Variants in CYYR1 observed in about 807,000 individuals in gnomAD.
CYYR1 encodes cysteine and tyrosine rich 1.
CYYR1 carries 14 observed loss-of-function variants against 15.2 expected under a neutral mutation model. That is an observed-to-expected ratio of 0.92 (90% CI 0.61 to 1.44). CYYR1 has a LOEUF of 1.44. Ranked by LOEUF, CYYR1 falls within the 40% of genes most tolerant of loss-of-function variation. The pLI is 0.00. For missense variants in CYYR1, 228 were observed against 209.5 expected, an observed-to-expected ratio of 1.09 and a Z score of -0.54; for synonymous variants, 80 against 77.4, an observed-to-expected ratio of 1.03 and a Z score of -0.18.
chr21:26,566,354 G>A lies in CYYR1; in HGVS notation c.88C>T (p.Gln30Ter), dbSNP rs200563289. Reference protein sequence around the residue: ...LFVYADDCLAQCGKDCKSYCC... With the variant: ...LFVYADDCLA ...TAAGATTTGCAATCTTTGCCACACT[G>A]AGCAAGGCAATCATCTACAAAACAA... The change falls in exon 2 of 4, where the codon CAG becomes TAG. Residue 30 changes from glutamine (Q) to a stop codon, truncating the protein, a stop_gained. Transcript: ENST00000652641. LOFTEE classifies it high-confidence loss of function. 9.9e-6 allele frequency: 16 copies of A among 1,613,102 alleles called. No individual in the cohort carries two copies. The highest frequency in any genetic ancestry group is 4.5e-5 in the East Asian group (2 of 44,852).
intron 3 of CYYR1, chr21:26,478,046 T>A: frequency 6.5e-7 from 1 of 1,548,060 alleles, no homozygotes; most frequent in Non-Finnish European, 8.7e-7. Context: ...TTCAGCTGAG[T>A]GCCCATTATG....
At chr21:26,527,625 A>G (rs1038838913) in intron 2 of CYYR1, among the ~76,000 whole-genome samples, 1 of 152,272 alleles carries the variant, frequency 6.6e-6, no homozygotes, top group Non-Finnish European at 1.5e-5. Context: ...CTACTTTTGT[A>G]CATTTCTTTT....
In CYYR1 at chr21:26,468,523, T is replaced by A; in HGVS notation, c.446A>T (p.Tyr149Phe). 2 of 1,596,806 alleles carry A rather than the reference T, an allele frequency of 1.3e-6. No homozygotes were observed. The highest frequency in any genetic ancestry group is 1.7e-6 in the Non-Finnish European group (2 of 1,164,480). The change falls in exon 4 of 4, where the codon TAT becomes TTT. Residue 149 changes from tyrosine to phenylalanine, a missense_variant. Tyr to Phe is a conservative substitution (Grantham distance 22). Coordinates refer to ENST00000652641, the MANE Select transcript of CYYR1 (RefSeq NM_001320768.2). ...GPAQRSPPPP[Y>F]PGNARK ...AGATTATTTCCTTGCGTTTCCAGGA[T>A]AAGGAGGGGGTGGAGAACGCTGTGC... is the stretch of plus-strand genomic sequence containing the variant.
chr21:26,491,833 G>T (rs1479987060), intron 2 of CYYR1, among the ~76,000 whole-genome samples: 1 of 152,070 alleles, frequency 6.6e-6, no homozygotes. Context: ...GTGATCCTTT[G>T]CCTGGGCCCT....
intron 2 of CYYR1, among the ~76,000 whole-genome samples, chr21:26,527,338 G>C (rs555442160): frequency 6.6e-6 from 1 of 152,180 alleles, no homozygotes; most frequent in East Asian, 1.9e-4. Flanking sequence ...TTTTTTAAAG[G>C]CATGAAGTTG....
Position 26,468,148 on chromosome 21 carries a change from A to C in CYYR1, c.*353T>G. 1 of 318,036 alleles carries C rather than the reference A, an allele frequency of 3.1e-6. No individual in the cohort carries two copies. The highest frequency in any genetic ancestry group is 2.8e-5 in the South Asian group (1 of 35,148). The allele number at this position is 318,036 out of a possible 1,614,324, so 19.7% of individuals were successfully genotyped here. On this transcript the variant is annotated 3_prime_UTR_variant, in exon 4 of 4. Transcript: ENST00000652641. ...GTGGGCCAAATCATTCTCCCATCCT[A>C]CTTAGATCTTCTTTTTTTCCAGGAT...
At chr21:26,504,151 A>G (rs532000778) in intron 2 of CYYR1, among the ~76,000 whole-genome samples, 1 of 152,332 alleles carries the variant, frequency 6.6e-6, no homozygotes, top group South Asian at 2.1e-4. Context: ...ATCTCACGAT[A>G]TGATGGCAGA....
chr21:26,473,610 C>T (rs974804171), intron 3 of CYYR1, among the ~76,000 whole-genome samples: 2 of 152,202 alleles, frequency 1.3e-5, no homozygotes, highest in African/African-American at 4.8e-5. Context: ...TCACCGCACC[C>T]TCTTTCCCTG....
At chr21:26,505,957 A>G (rs375047922) in intron 2 of CYYR1, among the ~76,000 whole-genome samples, 1 of 152,234 alleles carries the variant, frequency 6.6e-6, no homozygotes, top group African/African-American at 2.4e-5. Context: ...TTATTGAGAT[A>G]TAATTCACAG....
chr21:26,519,974 T>A (rs1261832381), intron 2 of CYYR1, among the ~76,000 whole-genome samples: 1 of 151,760 alleles, frequency 6.6e-6, no homozygotes, highest in Non-Finnish European at 1.5e-5. Flanking sequence ...AGACATGGAA[T>A]CAACCCAAAT....
chr21:26,525,989 G>A (rs1000251408), intron 2 of CYYR1, among the ~76,000 whole-genome samples: 1 of 111,810 alleles, frequency 8.9e-6, no homozygotes, highest in African/African-American at 3.5e-5. Context: ...GACACAGACA[G>A]GAACAATGGA....
chr21:26,572,745 A>C, intron 1 of CYYR1, 123 bp downstream of exon 1: 3 of 1,206,570 alleles, frequency 2.5e-6, no homozygotes, highest in East Asian at 2.8e-5. Context: ...GAAAAGGCAG[A>C]AGCGTCTGCA....
intron 2 of CYYR1, among the ~76,000 whole-genome samples, chr21:26,485,281 T>C (rs1048020878): frequency 2.6e-5 from 4 of 152,082 alleles, no homozygotes; most frequent in African/African-American, 9.7e-5. Flanking sequence ...TTTCCCCAGA[T>C]GGTTACATCT....
chr21:26,559,387 A>G (rs1980041371), intron 2 of CYYR1, among the ~76,000 whole-genome samples: 1 of 152,136 alleles, frequency 6.6e-6, no homozygotes, highest in African/African-American at 2.4e-5. Context: ...ATTTTTATCT[A>G]GGAATTCTGT....
intron 2 of CYYR1, among the ~76,000 whole-genome samples, chr21:26,518,289 T>G (rs1214407960): frequency 6.6e-6 from 1 of 152,224 alleles, no homozygotes. Flanking sequence ...GTTCCACAAC[T>G]CATGTTGAAA....
intron 2 of CYYR1, among the ~76,000 whole-genome samples, chr21:26,521,347 T>G (rs2065802084): frequency 6.6e-6 from 1 of 152,202 alleles, no homozygotes; most frequent in African/African-American, 2.4e-5. Context: ...AGACTGATAT[T>G]GCTTTACATG....
Position 26,467,689 on chromosome 21 carries a change from G to A in CYYR1, c.*812C>T, listed in dbSNP as rs531771598. On this transcript the variant is annotated 3_prime_UTR_variant, in exon 4 of 4. Transcript: ENST00000652641. ...CACTATAAAGCCAGATGATTTTTAG[G>A]TGGCAGTAGCTGGCATTGAAGAGTT... The A allele has an allele frequency of 6.6e-6, 1 of 152,188 alleles. No individual in the cohort carries two copies. Among genetic ancestry groups the A allele is most frequent in the South Asian group, 2.1e-4 (1 of 4,822 alleles). 9.4% of individuals were successfully genotyped at this position (152,188 alleles called of 1,614,324 possible). A position where few individuals can be genotyped will look rare whatever the true frequency, so the allele number is the denominator to read the frequency against.
chr21:26,555,378 T>C (rs924892243), intron 2 of CYYR1, among the ~76,000 whole-genome samples: 4 of 152,178 alleles, frequency 2.6e-5, no homozygotes, highest in African/African-American at 9.6e-5. Context: ...ATCCACACAG[T>C]AGAGTTGGCT....
At chr21:26,527,420 T>C (rs2065881347) in intron 2 of CYYR1, among the ~76,000 whole-genome samples, 2 of 152,194 alleles carry the variant, frequency 1.3e-5, no homozygotes, top group African/African-American at 4.8e-5. Flanking sequence ...CAAATCACTT[T>C]TAATTTTACT....
Sources: allele counts gnomAD v4.1 joint callset (sites outside exome capture counted in the v4.1 genomes callset), GRCh38; gene constraint gnomAD v4.1.1; transcripts MANE v1.5; gene names NCBI Gene and HGNC (gene_info 2026-07-23, HGNC 2026-07-21).